The following CFAP20DC variants were observed in gnomAD, a reference collection of about 807,000 sequenced individuals.
CFAP20DC encodes the protein CFAP20 domain containing, also known as protein CFAP20DC.
A neutral mutation model predicts 101.7 loss-of-function variants in CFAP20DC; 84 were observed. The ratio of observed to expected loss-of-function variants is 0.83; its 90% CI spans 0.69 to 0.99. CFAP20DC has a LOEUF of 0.99. CFAP20DC is among the 50% of genes least tolerant of loss of function. The pLI is 0.00. For synonymous variants in CFAP20DC, 359 were observed against 351.2 expected (o/e 1.02, Z -0.25); for missense variants, 1,007 against 970.3 (o/e 1.04, Z -0.50).
At chr3:59,018,462 G>A (rs1472645447) in intron 4 of CFAP20DC, 1 of 152,036 alleles carries the variant, frequency 6.6e-6, no homozygotes, top group Non-Finnish European at 1.5e-5. Flanking sequence ...CCAAGTGATT[G>A]AAGTTAACAT....
At chr3:58,751,838 G>A (rs1004346498) in intron 16 of CFAP20DC, among the ~76,000 whole-genome samples, 3 of 139,372 alleles carry the variant, frequency 2.2e-5, no homozygotes, top group Non-Finnish European at 4.4e-5. Context: ...TTCCTCAGCT[G>A]TAACACACAC....
chr3:58,923,372 T>C (rs2365402), intron 5 of CFAP20DC, among the ~76,000 whole-genome samples: 15,145 of 152,172 alleles, frequency 0.1, 2,486 homozygotes, highest in African/African-American at 0.34. Context: ...TTTTTTCAGT[T>C]TTGACAACTT....
Position 58,890,727 on chromosome 3 carries a change from C to G in CFAP20DC, c.551-6018G>C, listed in dbSNP as rs1420614503. On this transcript the variant is annotated intron_variant, in intron 6 of 16. Transcript: ENST00000482387. Reference sequence around the variant, plus strand: ...CTCAGACGGGGCGGCCGGGCAGAGACGCTCCTCACCTCCCAGACGGGGTTG... The same window carrying G: ...CTCAGACGGGGCGGCCGGGCAGAGAGGCTCCTCACCTCCCAGACGGGGTTG... Among the ~76,000 whole-genome samples the G allele has an allele frequency of 4.0e-5, 6 of 148,218 alleles. No individual in the cohort carries two copies. In the South Asian group the frequency reaches 1.3e-3, roughly 32 times the overall value.
intron 4 of CFAP20DC, among the ~76,000 whole-genome samples, chr3:58,982,622 C>A (rs985880228): frequency 6.8e-6 from 1 of 147,212 alleles, no homozygotes; most frequent in Non-Finnish European, 1.5e-5. Context: ...AAAACAAACA[C>A]CGCATGTTCT....
chr3:58,759,447 T>G (rs1425328439), intron 15 of CFAP20DC, among the ~76,000 whole-genome samples: 1 of 152,218 alleles, frequency 6.6e-6, no homozygotes, highest in African/African-American at 2.4e-5. Flanking sequence ...CTTTGTCAGA[T>G]GAGTAGATTG....
At chr3:58,862,468 A>G in intron 12 of CFAP20DC, 4 of 985,442 alleles carry the variant, frequency 4.1e-6, no homozygotes, top group Non-Finnish European at 4.8e-6. Context: ...TATGTTTGGT[A>G]TGACTAATTG....
intron 4 of CFAP20DC, among the ~76,000 whole-genome samples, chr3:58,945,524 CCTCATTCCCAGG>C (rs1422910459): frequency 6.6e-6 from 1 of 152,064 alleles, no homozygotes; most frequent in Admixed American, 6.5e-5. Context: ...ATCTTATTTT[CCTCATTCCCAGG>C]CTCCTGGGGG....
chr3:58,937,590 T>C (rs1334790885), intron 5 of CFAP20DC, 58 bp downstream of exon 5: 5 of 1,044,744 alleles, frequency 4.8e-6, no homozygotes, highest in African/African-American at 1.6e-5. Context: ...AGTCAGCCCA[T>C]AAGTAATATT....
chr3:59,010,729 AC>A (rs1164686147), intron 4 of CFAP20DC, among the ~76,000 whole-genome samples: 2 of 152,212 alleles, frequency 1.3e-5, no homozygotes, highest in Non-Finnish European at 2.9e-5. Flanking sequence ...TATTTACAGA[AC>A]ATTTTACCCA....
rs549294366 is a variant in CFAP20DC at position 58,789,739 on chromosome 3, G to T, written c.2237+16656C>A. On this transcript the variant is annotated intron_variant, in intron 15 of 16. Coordinates refer to ENST00000482387, the MANE Select transcript of CFAP20DC (RefSeq NM_001394063.1). ...ATTTTTGAACAGATGATGGTAAAATGCTATTTTAAAAACATTGGGAGGAAA... is the reference window on the plus strand; with the variant it reads ...ATTTTTGAACAGATGATGGTAAAATTCTATTTTAAAAACATTGGGAGGAAA... Among the ~76,000 whole-genome samples the T allele has an allele frequency of 3.7e-3, 562 of 152,228 alleles. 3 individuals carry two copies. Among genetic ancestry groups the T allele is most frequent in the Non-Finnish European group, 5.4e-3 (365 of 67,998 alleles).
chr3:59,028,937 T>TCCCACAGAGGTAAAGCAGAATTTGCC (rs1167484075), intron 4 of CFAP20DC, among the ~76,000 whole-genome samples: 3 of 152,202 alleles, frequency 2.0e-5, no homozygotes, highest in Admixed American at 2.0e-4. Context: ...TTGACCAAAG[T>TCCCACAGAGGTAAAGCAGAATTTGCC]CCCACAGAGG....
At position 59,019,916 on chromosome 3, in the gene CFAP20DC, G is replaced by A. The variant is rs114528183; in HGVS notation, c.278+19641C>T. Among the ~76,000 whole-genome samples, 481 of 152,150 alleles carry A rather than the reference G, an allele frequency of 3.2e-3. 4 individuals are homozygous for A. The highest frequency in any genetic ancestry group is 0.011 in the African/African-American group (463 of 41,536). On this transcript the variant is annotated intron_variant, in intron 4 of 16. Transcript: ENST00000482387. ...CACTCTCACTGTCTCACAGCATATA[G>A]TAGAGTTTTTTAAAAGGTAACATGA...
chr3:58,842,215 G>T (rs979126455), intron 13 of CFAP20DC, among the ~76,000 whole-genome samples: 1 of 152,076 alleles, frequency 6.6e-6, no homozygotes, highest in Non-Finnish European at 1.5e-5. Flanking sequence ...CGTGAGCGAC[G>T]CAGAAGACGG....
intron 15 of CFAP20DC, among the ~76,000 whole-genome samples, chr3:58,779,944 A>G (rs2071671900): frequency 6.6e-6 from 1 of 152,138 alleles, no homozygotes; most frequent in Admixed American, 6.5e-5. Flanking sequence ...CAAAGAGAGA[A>G]TTATAAAACC....
intron 7 of CFAP20DC, among the ~76,000 whole-genome samples, chr3:58,880,241 GT>G (rs1294921815): frequency 1.3e-5 from 2 of 152,068 alleles, no homozygotes; most frequent in Non-Finnish European, 2.9e-5. Context: ...AGTTTCCTGT[GT>G]TTCCTTAAAA....
intron 15 of CFAP20DC, among the ~76,000 whole-genome samples, chr3:58,775,808 T>A (rs2107530994): frequency 6.6e-6 from 1 of 150,538 alleles, no homozygotes; most frequent in East Asian, 2.0e-4. Context: ...TGCAGTGGCG[T>A]GATCTCGTCT....
At chr3:58,974,916 T>C (rs116757245) in intron 4 of CFAP20DC, among the ~76,000 whole-genome samples, 338 of 152,290 alleles carry the variant, frequency 2.2e-3, no homozygotes, top group African/African-American at 7.9e-3. Flanking sequence ...CACTCTCCTC[T>C]GTATGGAAGC....
chr3:58,825,684 G>A (rs943580105), intron 14 of CFAP20DC, among the ~76,000 whole-genome samples: 10 of 152,128 alleles, frequency 6.6e-5, no homozygotes, highest in African/African-American at 1.2e-4. Flanking sequence ...TAAATCTCAC[G>A]AGGGCTACTC....
intron 4 of CFAP20DC, among the ~76,000 whole-genome samples, chr3:58,996,607 C>A (rs2093142643): frequency 6.6e-6 from 1 of 152,082 alleles, no homozygotes; most frequent in Non-Finnish European, 1.5e-5. Flanking sequence ...ATATCCTGGG[C>A]CAGGAAAACA....
Sources: gnomAD v4.1 joint callset for allele counts (sites outside exome capture counted in the v4.1 genomes callset) on GRCh38, gnomAD v4.1.1 for gene constraint, MANE v1.5 for transcripts, NCBI Gene and HGNC (gene_info 2026-07-23, HGNC 2026-07-21) for gene names.